Variants in SUPT3H observed in about 807,000 individuals in gnomAD.
The protein encoded by SUPT3H is SPT3 homolog, SAGA and STAGA complex component.
Under a neutral mutation model 44.3 loss-of-function variants are expected in SUPT3H, and 44 were observed. The ratio of observed to expected loss-of-function variants is 0.99; its 90% confidence interval spans 0.78 to 1.28. The LOEUF is 1.28. Among genes scored for constraint, SUPT3H ranks in the 50% most tolerant of loss-of-function variants. The probability of loss-of-function intolerance (pLI) is 0.00; values close to 1 mark genes in which losing one functional copy is unlikely to be tolerated. For synonymous variants in SUPT3H, 124 were observed against 125.6 expected, an observed-to-expected ratio of 0.99 and a Z score of 0.09; for missense variants, 380 against 387.1, an observed-to-expected ratio of 0.98 and a Z score of 0.15.
intron 3 of SUPT3H, among the ~76,000 whole-genome samples, chr6:45,077,653 A>G (rs1398498911): frequency 7.0e-6 from 1 of 141,944 alleles, no homozygotes; most frequent in Non-Finnish European, 1.5e-5. Flanking sequence ...GAAAAGAAAA[A>G]AAAAAGTGTT....
At chr6:45,162,672 G>A (rs942626277) in intron 2 of SUPT3H, among the ~76,000 whole-genome samples, 1 of 152,182 alleles carries the variant, frequency 6.6e-6, no homozygotes, top group East Asian at 1.9e-4. Context: ...ACAACGCTAT[G>A]AGATGTCTTC....
At chr6:45,110,540 T>C (rs1799896815) in intron 2 of SUPT3H, among the ~76,000 whole-genome samples, 1 of 149,962 alleles carries the variant, frequency 6.7e-6, no homozygotes, top group African/African-American at 2.5e-5. Context: ...CAGAACCCCT[T>C]TTCAGTGCTT....
chr6:44,924,222 C>CTTG (rs1218718422), intron 10 of SUPT3H, among the ~76,000 whole-genome samples: 1 of 152,052 alleles, frequency 6.6e-6, no homozygotes, highest in East Asian at 1.9e-4. Flanking sequence ...ATTTCTTTTG[C>CTTG]ACCAAGACTT....
intron 10 of SUPT3H, among the ~76,000 whole-genome samples, chr6:44,929,390 A>G: frequency 6.6e-6 from 1 of 152,284 alleles, no homozygotes; most frequent in East Asian, 1.9e-4. Flanking sequence ...ATATATACAC[A>G]TTGTTATGGG....
At chr6:45,248,824 G>C (rs1032701044) in intron 2 of SUPT3H, among the ~76,000 whole-genome samples, 8 of 151,562 alleles carry the variant, frequency 5.3e-5, no homozygotes, top group African/African-American at 1.9e-4. Flanking sequence ...CTGAGGCAGG[G>C]GAATCACTTG....
chr6:44,953,309 C>T lies in SUPT3H; in HGVS notation c.801+1G>A. 6.2e-7 allele frequency: 1 copy of T among 1,612,934 alleles called. No individual in the cohort carries two copies. Among genetic ancestry groups the T allele is most frequent in the Non-Finnish European group, 8.5e-7 (1 of 1,179,134 alleles). ...TTAAGACAGATTTTTTTTGTACTTA[C>T]CTCAGCAGAGTTGTGATACTGAATG... On this transcript the variant is annotated splice_donor_variant, in intron 9 of 10. Transcript: ENST00000371459. LOFTEE classifies it high-confidence loss of function.
At chr6:45,208,845 C>T (rs1763624317) in intron 2 of SUPT3H, among the ~76,000 whole-genome samples, 1 of 151,598 alleles carries the variant, frequency 6.6e-6, no homozygotes, top group Non-Finnish European at 1.5e-5. Flanking sequence ...CTTCAAAAGA[C>T]AGGCTGACCC....
chr6:44,901,260 A>G (rs995744707), intron 10 of SUPT3H, among the ~76,000 whole-genome samples: 1 of 152,192 alleles, frequency 6.6e-6, no homozygotes, highest in Non-Finnish European at 1.5e-5. Flanking sequence ...ATGGCAAAGA[A>G]ATTAAAAACC....
chr6:45,204,250 A>AAAGAAGAAGAAGAAGAAGAAGAAGAAG (rs59918814), intron 2 of SUPT3H, among the ~76,000 whole-genome samples: 17,853 of 142,930 alleles, frequency 0.12, 1,453 homozygotes, highest in Non-Finnish European at 0.17. Context: ...CCGTCTCAAA[A>AAAGAAGAAGAAGAAGAAGAAGAAGAAG]AAGAAGAAGA....
intron 2 of SUPT3H, among the ~76,000 whole-genome samples, chr6:45,183,006 T>C (rs1813554115): frequency 6.6e-6 from 1 of 152,182 alleles, no homozygotes; most frequent in Non-Finnish European, 1.5e-5. Context: ...CAGACATACA[T>C]GGGTATTTGT....
chr6:44,917,969 G>C (rs1007018053), intron 10 of SUPT3H, among the ~76,000 whole-genome samples: 9 of 152,056 alleles, frequency 5.9e-5, no homozygotes, highest in Admixed American at 4.6e-4. Flanking sequence ...TTCCTCATTA[G>C]CAAATTCACT....
chr6:44,850,796 A>ATC (rs1561886352), intron 10 of SUPT3H, among the ~76,000 whole-genome samples: 20 of 99,256 alleles, frequency 2.0e-4, no homozygotes, highest in African/African-American at 7.7e-4. Flanking sequence ...ATCTATCTAT[A>ATC]AATGTACCTT....
At chr6:45,244,859 T>A (rs985302116) in intron 2 of SUPT3H, among the ~76,000 whole-genome samples, 1 of 152,164 alleles carries the variant, frequency 6.6e-6, no homozygotes, top group African/African-American at 2.4e-5. Context: ...AATAAAGTTT[T>A]CTATGTGCTT....
Position 45,129,800 on chromosome 6 carries a change from CTTTTGGGGGAA to C in SUPT3H, c.102-23805_102-23795del, listed in dbSNP as rs1026048569. On this transcript the variant is annotated intron_variant, in intron 2 of 10. Transcript: ENST00000371459. ...CATCAATCAATCAATTGGATATTCT[CTTTTGGGGGAA>C]TTTTGGGGGAATTCTGAATGAAGAA... Among the ~76,000 whole-genome samples, 11 of 151,962 alleles carry C rather than the reference CTTTTGGGGGAA, an allele frequency of 7.2e-5. No homozygotes were observed. The South Asian group carries it at 8.3e-4, about 11-fold the overall frequency.
At position 45,328,601 on chromosome 6, in the gene SUPT3H, T is replaced by G; in HGVS notation, c.101+36600A>C. ...GACAGAAAAAAATAAATATAAAGTC[T>G]ATGTACTCCAGGCATACTGTAAAAC... On this transcript the variant is annotated intron_variant, in intron 2 of 10. Coordinates refer to ENST00000371459, the MANE Select transcript of SUPT3H (RefSeq NM_003599.4). 1.9e-6 allele frequency: 3 copies of G among 1,603,346 alleles called. No homozygotes were observed. The South Asian group carries it at 3.3e-5, about 18-fold the overall frequency.
chr6:45,001,931 CAGTTA>C (rs1194571643), intron 6 of SUPT3H, among the ~76,000 whole-genome samples: 1 of 152,016 alleles, frequency 6.6e-6, no homozygotes, highest in African/African-American at 2.4e-5. Context: ...CTACTGTCTA[CAGTTA>C]AGTTATGTCT....
intron 2 of SUPT3H, among the ~76,000 whole-genome samples, chr6:45,165,653 T>C (rs1809720989): frequency 6.6e-6 from 1 of 151,590 alleles, no homozygotes; most frequent in Non-Finnish European, 1.5e-5. Context: ...AAACAAAACA[T>C]ACAAAAAATA....
At chr6:44,902,060 T>G (rs1336092652) in intron 10 of SUPT3H, among the ~76,000 whole-genome samples, 1 of 152,132 alleles carries the variant, frequency 6.6e-6, no homozygotes. Flanking sequence ...TACCAGCCAC[T>G]GCAAAATCAT....
At chr6:45,217,982 A>T (rs1765375607) in intron 2 of SUPT3H, among the ~76,000 whole-genome samples, 1 of 152,160 alleles carries the variant, frequency 6.6e-6, no homozygotes, top group South Asian at 2.1e-4. Context: ...GCAAAAAGAA[A>T]GAATGAGAGA....
Sources: gnomAD v4.1 joint callset for allele counts (sites outside exome capture counted in the v4.1 genomes callset) on GRCh38, gnomAD v4.1.1 for gene constraint, MANE v1.5 for transcripts, NCBI Gene and HGNC (gene_info 2026-07-23, HGNC 2026-07-21) for gene names.